Variants in ADAM21 observed in about 807,000 individuals in gnomAD.
ADAM21 encodes the protein disintegrin and metalloproteinase domain-containing protein 21.
For synonymous variants in ADAM21, 262 were observed against 306.0 expected (o/e 0.86, Z 1.50); for missense variants, 678 against 874.4 (o/e 0.78, Z 2.83).
At chr14:70,455,974 TAG>T (rs932651641) in intron 1 of ADAM21, among the ~76,000 whole-genome samples, 1 of 152,166 alleles carries the variant, frequency 6.6e-6, no homozygotes, top group Admixed American at 6.5e-5. Context: ...AGGGTCTTTA[TAG>T]AGGTCTGTAC....
intron 1 of ADAM21, among the ~76,000 whole-genome samples, chr14:70,454,401 C>T (rs1399852639): frequency 2.0e-5 from 3 of 152,002 alleles, no homozygotes; most frequent in East Asian, 1.9e-4. Flanking sequence ...CCCCATTCCC[C>T]GACAATCTCT....
Position 70,459,573 on chromosome 14 carries a change from TTGTC to T in ADAM21, c.2078_2081del (p.Ser693PhefsTer2). On this transcript the variant is annotated frameshift_variant, in exon 2 of 2. Coordinates refer to ENST00000603540, the MANE Select transcript of ADAM21 (RefSeq NM_003813.4). LOFTEE classifies it low-confidence loss of function (END_TRUNC). ...TTTGCCGCTGATTGTGATTCCTTCT[TTGTC>T]TGTTTTGACTTTCCTGTTTACTGTC... 13 of 1,614,132 alleles carry T rather than the reference TTGTC, an allele frequency of 8.1e-6. No individual in the cohort carries two copies. Among genetic ancestry groups the T allele is most frequent in the Non-Finnish European group, 9.3e-6 (11 of 1,180,018 alleles).
In ADAM21 at chr14:70,459,734, A is replaced by C; in HGVS notation, c.*66A>C. 9 of 1,550,384 alleles carry C rather than the reference A, an allele frequency of 5.8e-6. No individual in the cohort carries two copies. The highest frequency in any genetic ancestry group is 7.9e-6 in the Non-Finnish European group (9 of 1,145,566). On this transcript the variant is annotated 3_prime_UTR_variant, in exon 2 of 2. Coordinates refer to ENST00000603540, the MANE Select transcript of ADAM21 (RefSeq NM_003813.4). The stretch of plus-strand genomic sequence containing the variant: ...TTAGTCTCTTGGCAGTAGAAACATT[A>C]GTACATCCCTGAAACTGAGCACATT...
chr14:70,455,434 A>T (rs1021218713), intron 1 of ADAM21, among the ~76,000 whole-genome samples: 1 of 152,226 alleles, frequency 6.6e-6, no homozygotes, highest in Non-Finnish European at 1.5e-5. Flanking sequence ...GCCCACTTTA[A>T]GAAAAATAAT....
intron 1 of ADAM21, among the ~76,000 whole-genome samples, chr14:70,452,658 G>C (rs1299905301): frequency 1.3e-5 from 2 of 152,166 alleles, no homozygotes; most frequent in Non-Finnish European, 2.9e-5. Flanking sequence ...GAGCCACCGC[G>C]CCCGGCGTGT....
At chr14:70,455,296 A>G (rs1889089178) in intron 1 of ADAM21, among the ~76,000 whole-genome samples, 1 of 152,198 alleles carries the variant, frequency 6.6e-6, no homozygotes, top group Non-Finnish European at 1.5e-5. Flanking sequence ...AAGTCCTCTT[A>G]GATTAGCTTG....
At chr14:70,453,784 T>A (rs754778255) in intron 1 of ADAM21, among the ~76,000 whole-genome samples, 1 of 152,194 alleles carries the variant, frequency 6.6e-6, no homozygotes, top group Non-Finnish European at 1.5e-5. Flanking sequence ...AATTCAGAGA[T>A]CTTTGTTCTT....
chr14:70,457,194 T>A (rs1854863054), intron 1 of ADAM21, among the ~76,000 whole-genome samples, 155 bp from the exon 2 acceptor site: 1 of 152,162 alleles, frequency 6.6e-6, no homozygotes, highest in Non-Finnish European at 1.5e-5. Flanking sequence ...CAATGTTGTC[T>A]CCTCTATACC....
Position 70,457,887 on chromosome 14 carries a change from G to C in ADAM21, c.388G>C (p.Gly130Arg), listed in dbSNP as rs779371335. The part of the protein sequence containing the change: ...ESLVVFSACF[G>R]GFRGVLKISG... ...TCTGGTTGTGTTCAGTGCTTGTTTT[G>C]GGGGCTTTCGAGGAGTATTAAAAAT... The change falls in exon 2 of 2, where the codon GGG (glycine) becomes CGG (arginine). Residue 130 changes from glycine (G) to arginine (R), a missense_variant. Physicochemically the swap from Gly to Arg is moderately radical, Grantham distance 125. Coordinates refer to ENST00000603540, the MANE Select transcript of ADAM21 (RefSeq NM_003813.4). The C allele has an allele frequency of 6.2e-7, 1 of 1,613,960 alleles. No individual in the cohort carries two copies. Among genetic ancestry groups the C allele is most frequent in the Non-Finnish European group, 8.5e-7 (1 of 1,180,004 alleles).
intron 1 of ADAM21, among the ~76,000 whole-genome samples, chr14:70,452,895 C>G (rs1474112722): frequency 6.6e-6 from 1 of 152,148 alleles, no homozygotes; most frequent in Non-Finnish European, 1.5e-5. Flanking sequence ...TTAATAGAAA[C>G]AGTCCTCAAG....
chr14:70,454,364 G>T (rs1889077686), intron 1 of ADAM21, among the ~76,000 whole-genome samples: 1 of 151,852 alleles, frequency 6.6e-6, no homozygotes, highest in Non-Finnish European at 1.5e-5. Context: ...GGAAGTATGT[G>T]AAGAATTAAT....
Position 70,458,327 on chromosome 14 carries a change from G to C in ADAM21, c.828G>C (p.Leu276=). 2 of 1,614,112 alleles carry C rather than the reference G, an allele frequency of 1.2e-6. No individual in the cohort carries two copies. Among genetic ancestry groups the C allele is most frequent in the Non-Finnish European group, 1.7e-6 (2 of 1,180,032 alleles). ...CAATGACAAGCATAGAACAGGTCCTGAACGATTTCTCTCAATGGAAACAAA... is the reference window on the plus strand; with the variant it reads ...CAATGACAAGCATAGAACAGGTCCTCAACGATTTCTCTCAATGGAAACAAA... ...VFPMTSIEQV[L]NDFSQWKQIS... Residue 276 remains leucine, a synonymous_variant, in exon 2 of 2, where the codon CTG becomes CTC. Coordinates refer to ENST00000603540, the MANE Select transcript of ADAM21 (RefSeq NM_003813.4).
In ADAM21 at chr14:70,459,470, G is replaced by A; in HGVS notation, c.1971G>A (p.Trp657Ter). 6.2e-7 allele frequency: 1 copy of A among 1,614,198 alleles called. No individual in the cohort carries two copies. The highest frequency in any genetic ancestry group is 8.5e-7 in the Non-Finnish European group (1 of 1,180,028). Residue 657 changes from tryptophan (W) to a stop codon, truncating the protein, a stop_gained, in exon 2 of 2, where the codon TGG becomes TGA. Transcript: ENST00000603540. LOFTEE classifies it low-confidence loss of function (END_TRUNC). ...ATCACTGCCACTGTGGCTATGGGTG[G>A]TCCCCACCCTACTGCCAGCACAGAG... ...NKHHCHCGYG[W>*]SPPYCQHRGY...
In ADAM21 at chr14:70,458,994, A is replaced by G; in HGVS notation, c.1495A>G (p.Ser499Gly). ...YVQDGIPCSD[S>G]AYCYQKRCNN... ...GCAGGACGGGATCCCCTGTAGTGAC[A>G]GTGCCTACTGCTATCAAAAGAGGTG... The change falls in exon 2 of 2, where the codon AGT becomes GGT. Residue 499 changes from serine (S) to glycine (G), a missense_variant. Coordinates refer to ENST00000603540, the MANE Select transcript of ADAM21 (RefSeq NM_003813.4). The G allele has an allele frequency of 6.2e-7, 1 of 1,614,178 alleles. No individual in the cohort carries two copies. Among genetic ancestry groups the G allele is most frequent in the Non-Finnish European group, 8.5e-7 (1 of 1,180,028 alleles).
intron 1 of ADAM21, among the ~76,000 whole-genome samples, chr14:70,455,743 A>G (rs1282972610): frequency 6.6e-6 from 1 of 152,122 alleles, no homozygotes; most frequent in Non-Finnish European, 1.5e-5. Context: ...TTCATTTTGT[A>G]TTATTAATAG....
In ADAM21 at chr14:70,459,604, G is replaced by A; in HGVS notation, c.2105G>A (p.Gly702Glu). The A allele has an allele frequency of 6.2e-7, 1 of 1,614,112 alleles. No homozygotes were observed. The highest frequency in any genetic ancestry group is 1.1e-5 in the South Asian group (1 of 91,086). Residue 702 changes from glycine (G) to glutamate (E), a missense_variant, in exon 2 of 2, where the codon GGG becomes GAG. Coordinates refer to ENST00000603540, the MANE Select transcript of ADAM21 (RefSeq NM_003813.4). ...GTTTTGACTTTCCTGTTTACTGTCG[G>A]GCTTCTTATGTATCTACGACAATGT... ...LSVLTFLFTV[G>E]LLMYLRQCSG...
chr14:70,458,340 C>G lies in ADAM21; in HGVS notation c.841C>G (p.Gln281Glu), dbSNP rs747379396. 11 of 1,614,132 alleles carry G rather than the reference C, an allele frequency of 6.8e-6. No individual in the cohort carries two copies. In the East Asian group the frequency reaches 8.9e-5, roughly 13 times the overall value. The change falls in exon 2 of 2, where the codon CAA becomes GAA. Residue 281 changes from glutamine (Q) to glutamate (E), a missense_variant. Gln to Glu is a conservative substitution (Grantham distance 29, BLOSUM62 2). Transcript: ENST00000603540. ...SIEQVLNDFS[Q>E]WKQISLSQLQ... ...AGAACAGGTCCTGAACGATTTCTCT[C>G]AATGGAAACAAATCAGTCTTTCCCA...
chr14:70,459,860 T>C lies in ADAM21; in HGVS notation c.*192T>C. 1 of 687,506 alleles carries C rather than the reference T, an allele frequency of 1.5e-6. No individual in the cohort carries two copies. The highest frequency in any genetic ancestry group is 3.0e-5 in the Admixed American group (1 of 33,146). The allele number at this position is 687,506 out of a possible 1,614,324, so 42.6% of individuals were successfully genotyped here. ...TTCTTAACATGTTTCTATCTATTGT[T>C]TATTGTTTTAAGCAGCAAATAAAGC... On this transcript the variant is annotated 3_prime_UTR_variant, in exon 2 of 2. Coordinates refer to ENST00000603540, the MANE Select transcript of ADAM21 (RefSeq NM_003813.4).
Position 70,457,853 on chromosome 14 carries a change from C to T in ADAM21, c.354C>T (p.Ala118=), listed in dbSNP as rs1437797981. The change falls in exon 2 of 2, where the codon GCC becomes GCT. Residue 118 remains alanine (A), a synonymous_variant. Coordinates refer to ENST00000603540, the MANE Select transcript of ADAM21 (RefSeq NM_003813.4). ...ACTATCATGGTTACGTGGAGGCAGC[C>T]CCTGAGTCTCTGGTTGTGTTCAGTG... ...DCYYHGYVEA[A]PESLVVFSAC... is the part of the protein sequence containing the mutation. The T allele has an allele frequency of 3.1e-6, 5 of 1,613,594 alleles. No individual in the cohort carries two copies. Among genetic ancestry groups the T allele is most frequent in the Admixed American group, 3.3e-5 (2 of 59,968 alleles).
Sources: allele counts gnomAD v4.1 joint callset (sites outside exome capture counted in the v4.1 genomes callset), GRCh38; gene constraint gnomAD v4.1.1; transcripts MANE v1.5; gene names NCBI Gene and HGNC (gene_info 2026-07-23, HGNC 2026-07-21).